The following KANSL1 variants were observed in gnomAD, a reference collection of about 807,000 sequenced individuals.
KANSL1 encodes the protein MLL1/MLL complex subunit KANSL1.
In KANSL1, 22 loss-of-function variants were observed where a neutral mutation model predicts 103.6. The ratio of observed to expected loss-of-function variants is 0.21; its 90% CI spans 0.15 to 0.30. KANSL1 has a LOEUF of 0.30. Ranked by LOEUF, KANSL1 falls within the 10% of genes least tolerant of loss-of-function variation. KANSL1 has a pLI of 1.00. For synonymous variants in KANSL1, 600 were observed against 527.6 expected, an observed-to-expected ratio of 1.14 and a Z score of -1.88; for missense variants, 1,337 against 1,399.8, an observed-to-expected ratio of 0.96 and a Z score of 0.72.
At chr17:46,112,298 G>C (rs934882025) in intron 2 of KANSL1, among the ~76,000 whole-genome samples, 7 of 148,582 alleles carry the variant, frequency 4.7e-5, no homozygotes, top group African/African-American at 1.7e-4. Context: ...AACCCAGGAG[G>C]TGAAGGTTGC....
At chr17:46,059,624 A>C in intron 6 of KANSL1, among the ~76,000 whole-genome samples, 1 of 77,114 alleles carries the variant, frequency 1.3e-5, no homozygotes, top group Non-Finnish European at 2.4e-5. Flanking sequence ...CGAGGCTCTG[A>C]CTCCAAAAAA....
intron 3 of KANSL1, among the ~76,000 whole-genome samples, chr17:46,092,054 A>G (rs760230571): frequency 6.6e-6 from 1 of 152,168 alleles, no homozygotes; most frequent in Non-Finnish European, 1.5e-5. Context: ...TCCTCACCTC[A>G]GGTGACCCAC....
chr17:46,113,665 A>G (rs1326275199), intron 2 of KANSL1, among the ~76,000 whole-genome samples: 1 of 152,106 alleles, frequency 6.6e-6, no homozygotes, highest in Non-Finnish European at 1.5e-5. Flanking sequence ...CCTACGAGGC[A>G]CTTTCTTTAT....
chr17:46,177,288 A>G (rs2046566424), intron 1 of KANSL1, among the ~76,000 whole-genome samples: 1 of 152,266 alleles, frequency 6.6e-6, no homozygotes, highest in African/African-American at 2.4e-5. Context: ...AACAAAAAGG[A>G]AACATAGAAG....
At chr17:46,071,776 G>A (rs1391259665) in intron 4 of KANSL1, among the ~76,000 whole-genome samples, 2 of 152,296 alleles carry the variant, frequency 1.3e-5, no homozygotes, top group South Asian at 4.1e-4. Context: ...GATTATCACT[G>A]AAGCTTCCAT....
intron 7 of KANSL1, chr17:46,044,633 G>C (rs2077439186): frequency 1.3e-5 from 2 of 152,186 alleles, no homozygotes; most frequent in African/African-American, 4.8e-5. Flanking sequence ...TTGATTACTT[G>C]AGGTGATAAA....
intron 2 of KANSL1, among the ~76,000 whole-genome samples, chr17:46,136,943 C>T (rs1409469246): frequency 6.6e-6 from 1 of 152,212 alleles, no homozygotes; most frequent in Non-Finnish European, 1.5e-5. Flanking sequence ...GGAACTGAAT[C>T]CCACAAACAG....
intron 2 of KANSL1, among the ~76,000 whole-genome samples, chr17:46,100,632 G>C (rs912113835): frequency 6.6e-6 from 1 of 152,108 alleles, no homozygotes; most frequent in Non-Finnish European, 1.5e-5. Context: ...CAACTCTTTT[G>C]TATTTATTAG....
In KANSL1 at chr17:46,132,626, C is replaced by T. The variant is rs542664154; in HGVS notation, c.1290-37925G>A. Among the ~76,000 whole-genome samples the T allele has an allele frequency of 5.9e-4, 90 of 152,232 alleles. 1 individual carries two copies. Among genetic ancestry groups the T allele is most frequent in the African/African-American group, 2.0e-3 (82 of 41,522 alleles). On this transcript the variant is annotated intron_variant, in intron 2 of 14. Transcript: ENST00000432791. ...ACCATTAATGTTAGAGAATTGCTGCCCTAATTAAACCCTCTAATTTTACGT... is the reference window on the plus strand; with the variant it reads ...ACCATTAATGTTAGAGAATTGCTGCTCTAATTAAACCCTCTAATTTTACGT...
intron 2 of KANSL1, among the ~76,000 whole-genome samples, chr17:46,103,017 A>T (rs2042385850): frequency 6.6e-6 from 1 of 152,214 alleles, no homozygotes; most frequent in African/African-American, 2.4e-5. Context: ...AGAAGACATT[A>T]GGTGGAACTG....
intron 2 of KANSL1, among the ~76,000 whole-genome samples, chr17:46,160,367 G>T (rs1262165842): frequency 6.6e-6 from 1 of 152,156 alleles, no homozygotes; most frequent in African/African-American, 2.4e-5. Context: ...GTGCAATCTC[G>T]ACTCACTGCA....
chr17:46,143,088 T>C lies in KANSL1; in HGVS notation c.1289+27767A>G, dbSNP rs1528075. ...CTTAAGTACACTGTAAAGACATTTATGCACACAGCTAAAATATACTCAAAC... is the reference window on the plus strand; with the variant it reads ...CTTAAGTACACTGTAAAGACATTTACGCACACAGCTAAAATATACTCAAAC... On this transcript the variant is annotated intron_variant, in intron 2 of 14. Transcript: ENST00000432791. Among the ~76,000 whole-genome samples the C allele has an allele frequency of 2.0e-5, 3 of 152,282 alleles. No individual in the cohort carries two copies. The East Asian group carries it at 5.8e-4, about 29-fold the overall frequency.
upstream of KANSL1, chr17:46,193,719 C>A: frequency 3.9e-6 from 1 of 254,460 alleles, no homozygotes; most frequent in Non-Finnish European, 8.3e-6. Flanking sequence ...AGGGGGAAGC[C>A]AGCCCTCGCT....
intron 2 of KANSL1, chr17:46,152,902 A>T (rs1055647440): frequency 6.6e-6 from 1 of 152,274 alleles, no homozygotes; most frequent in African/African-American, 2.4e-5. Context: ...CTGGATACTT[A>T]GAATCACGAT....
intron 4 of KANSL1, among the ~76,000 whole-genome samples, chr17:46,071,366 C>T (rs183784136): frequency 1.4e-3 from 206 of 152,288 alleles, no homozygotes; most frequent in East Asian, 3.9e-4. Flanking sequence ...TGTAATCAAG[C>T]TAGTATCCAA....
At chr17:46,066,411 TA>T in intron 6 of KANSL1, 125 bp downstream of exon 6, 1 of 724,596 alleles carries the variant, frequency 1.4e-6, no homozygotes, top group Non-Finnish European at 2.1e-6. Flanking sequence ...CCTAGTATTT[TA>T]TAAAGCTCCC....
At chr17:46,190,862 A>T (rs2047281064) in intron 1 of KANSL1, among the ~76,000 whole-genome samples, 1 of 152,264 alleles carries the variant, frequency 6.6e-6, no homozygotes, top group Admixed American at 6.5e-5. Context: ...ACATTTTTTA[A>T]ATTCCCAAGG....
At chr17:46,143,992 T>C (rs1395213280) in intron 2 of KANSL1, among the ~76,000 whole-genome samples, 4 of 152,166 alleles carry the variant, frequency 2.6e-5, no homozygotes. Flanking sequence ...GAGTATTTTC[T>C]ACAGTGGCAT....
Position 46,170,945 on chromosome 17 carries a change from G to A in KANSL1, c.1199C>T (p.Ser400Leu). ...NLRCSEQAFDSDVTDSSSGGE... is the reference protein window; with the variant it reads ...NLRCSEQAFDLDVTDSSSGGE... ...TCCTGAACTACTGTCAGTGACATCTGAATCAAATGCCTGTTCACTGCACCT... is the reference window on the plus strand; with the variant it reads ...TCCTGAACTACTGTCAGTGACATCTAAATCAAATGCCTGTTCACTGCACCT... Residue 400 changes from serine (S) to leucine (L), a missense_variant, in exon 2 of 15, where the codon TCA becomes TTA. Transcript: ENST00000432791. 6.2e-7 allele frequency: 1 copy of A among 1,614,118 alleles called. No homozygotes were observed.
Sources: allele counts gnomAD v4.1 joint callset (sites outside exome capture counted in the v4.1 genomes callset), GRCh38; gene constraint gnomAD v4.1.1; transcripts MANE v1.5; gene names NCBI Gene and HGNC (gene_info 2026-07-23, HGNC 2026-07-21).